Variants in PDPK1 observed in about 807,000 individuals in gnomAD.
PDPK1 encodes the protein 3-phosphoinositide dependent protein kinase 1, also known as 3-phosphoinositide-dependent protein kinase 1.
Under a neutral mutation model 39.8 loss-of-function variants are expected in PDPK1, and 7 were observed. The ratio of observed to expected loss-of-function variants is 0.18; its 90% confidence interval spans 0.10 to 0.33. The LOEUF is 0.33. PDPK1 is among the 10% of genes least tolerant of loss of function. The pLI is 1.00. For synonymous variants in PDPK1, 118 were observed against 159.1 expected (o/e 0.74, Z 1.95); for missense variants, 182 against 384.7 (o/e 0.47, Z 4.41).
At position 2,538,045 on chromosome 16, in the gene PDPK1, G is replaced by C. The variant is rs2066168882; in HGVS notation, c.-68G>C. The stretch of plus-strand genomic sequence containing the variant: ...CATTGCTGGGGCTCCGCTTCGGGGA[G>C]GAGGACGCTGAGGAGGCGCCGAGCC... On this transcript the variant is annotated 5_prime_UTR_variant, in exon 1 of 14. Coordinates refer to ENST00000342085, the MANE Select transcript of PDPK1 (RefSeq NM_002613.5). 1.3e-6 allele frequency: 1 copy of C among 758,656 alleles called. No homozygotes were observed. The highest frequency in any genetic ancestry group is 1.6e-6 in the Non-Finnish European group (1 of 611,356). The allele number at this position is 758,656 out of a possible 1,614,324, so 47.0% of individuals were successfully genotyped here. A position where few individuals can be genotyped will look rare whatever the true frequency, so the allele number is the denominator to read the frequency against.
At chr16:2,584,796 G>C (rs2066829412) in intron 10 of PDPK1, among the ~76,000 whole-genome samples, 1 of 152,136 alleles carries the variant, frequency 6.6e-6, no homozygotes. Context: ...AAACTCTAAG[G>C]GAGCCAGGCT....
chr16:2,545,888 G>A (rs931098147), intron 1 of PDPK1, among the ~76,000 whole-genome samples: 6 of 152,064 alleles, frequency 3.9e-5, no homozygotes, highest in Admixed American at 3.3e-4. Context: ...CCTACCACCT[G>A]CTCCTCCCAA....
chr16:2,538,054 T>C lies in PDPK1; in HGVS notation c.-59T>C. 5.9e-6 allele frequency: 5 copies of C among 849,952 alleles called. No individual in the cohort carries two copies. Among genetic ancestry groups the C allele is most frequent in the Non-Finnish European group, 7.2e-6 (5 of 699,108 alleles). 52.7% of individuals were successfully genotyped at this position (849,952 alleles called of 1,614,324 possible). A position where few individuals can be genotyped will look rare whatever the true frequency, so the allele number is the denominator to read the frequency against. On this transcript the variant is annotated 5_prime_UTR_variant, in exon 1 of 14. Coordinates refer to ENST00000342085, the MANE Select transcript of PDPK1 (RefSeq NM_002613.5). ...GGCTCCGCTTCGGGGAGGAGGACGCTGAGGAGGCGCCGAGCCGCGCAGCGC... is the reference window on the plus strand; with the variant it reads ...GGCTCCGCTTCGGGGAGGAGGACGCCGAGGAGGCGCCGAGCCGCGCAGCGC...
At position 2,593,511 on chromosome 16, in the gene PDPK1, CT is replaced by C. The variant is rs1481623495; in HGVS notation, c.1344-2281del. ...CTCCCACACAGGTTGCAGGGATGGG[CT>C]GCTGTGTTCTTCTGGTTTTTCTCTC... On this transcript the variant is annotated intron_variant, in intron 11 of 13. Transcript: ENST00000342085. The surrounding 1 kb of genome is among the most constrained non-coding windows in gnomAD (Gnocchi z 4.2). 3.1e-5 allele frequency: 6 copies of C among 190,692 alleles called. No homozygotes were observed. The highest frequency in any genetic ancestry group is 1.4e-4 in the African/African-American group (6 of 41,676). The allele number at this position is 190,692 out of a possible 1,614,324, so 11.8% of individuals were successfully genotyped here. A position where few individuals can be genotyped will look rare whatever the true frequency, so the allele number is the denominator to read the frequency against.
At chr16:2,544,625 C>T (rs780753513) in intron 1 of PDPK1, among the ~76,000 whole-genome samples, 6 of 152,136 alleles carry the variant, frequency 3.9e-5, no homozygotes, top group Non-Finnish European at 5.9e-5. Flanking sequence ...GCTCTGTCGC[C>T]CAAGTTGGAG....
chr16:2,601,227 G>A lies in PDPK1; in HGVS notation c.*3460G>A, dbSNP rs1203810419. ...GTGTAGACGCTCACTTCCAGTAGCA[G>A]AACCACCTTAGTTGTGTCTTACAGA... On this transcript the variant is annotated 3_prime_UTR_variant, in exon 14 of 14. Coordinates refer to ENST00000342085, the MANE Select transcript of PDPK1 (RefSeq NM_002613.5). 4.3e-6 allele frequency: 1 copy of A among 234,002 alleles called. No individual in the cohort carries two copies. The highest frequency in any genetic ancestry group is 8.5e-6 in the Non-Finnish European group (1 of 117,908). The allele number at this position is 234,002 out of a possible 1,614,324, so 14.5% of individuals were successfully genotyped here.
At chr16:2,540,201 C>T (rs2066218787) in intron 1 of PDPK1, among the ~76,000 whole-genome samples, 1 of 152,180 alleles carries the variant, frequency 6.6e-6, no homozygotes, top group South Asian at 2.1e-4. Flanking sequence ...GTGTGAGAAG[C>T]CCCCTTCCCA....
intron 2 of PDPK1, among the ~76,000 whole-genome samples, chr16:2,558,400 CTG>C: frequency 6.7e-6 from 1 of 150,120 alleles, no homozygotes; most frequent in Non-Finnish European, 1.5e-5. Context: ...TCTTATTTCT[CTG>C]TTTTGTTTTT....
At chr16:2,542,475 A>C (rs1026223887) in intron 1 of PDPK1, among the ~76,000 whole-genome samples, 11 of 152,296 alleles carry the variant, frequency 7.2e-5, no homozygotes, top group African/African-American at 2.6e-4. Flanking sequence ...CTGTTTAAAG[A>C]GTTGGATTAT....
At chr16:2,585,464 G>A (rs996184431) in intron 10 of PDPK1, among the ~76,000 whole-genome samples, 1 of 152,218 alleles carries the variant, frequency 6.6e-6, no homozygotes, top group Non-Finnish European at 1.5e-5. Flanking sequence ...CCTTCATGGG[G>A]AATGGGCACT....
At position 2,600,019 on chromosome 16, in the gene PDPK1, G is replaced by A. The variant is rs2142016583; in HGVS notation, c.*2252G>A. The A allele has an allele frequency of 4.3e-6, 1 of 233,230 alleles. No individual in the cohort carries two copies. The highest frequency in any genetic ancestry group is 1.3e-3 in the Middle Eastern group (1 of 786). The allele number at this position is 233,230 out of a possible 1,614,324, so 14.4% of individuals were successfully genotyped here. The stretch of plus-strand genomic sequence containing the variant: ...TGCCATTGCCTGAGCTGACAGCCAA[G>A]CCCTTCTGTGGGTCACCTTTCTCCT... On this transcript the variant is annotated 3_prime_UTR_variant, in exon 14 of 14. Transcript: ENST00000342085.
In PDPK1 at chr16:2,595,644, T is replaced by C. The variant is rs150757273; in HGVS notation, c.1344-149T>C. On this transcript the variant is annotated intron_variant, in intron 11 of 13. Coordinates refer to ENST00000342085, the MANE Select transcript of PDPK1 (RefSeq NM_002613.5). ...GCAGTGCTGTATGTGCTGGGTTACA[T>C]GTGGCGAACGTTCTCTGCTCATCCC... The C allele has an allele frequency of 1.0e-3, 682 of 675,450 alleles. 1 individual carries two copies. In the African/African-American group the frequency reaches 0.011, roughly 11 times the overall value. 41.8% of individuals were successfully genotyped at this position (675,450 alleles called of 1,614,324 possible).
intron 1 of PDPK1, among the ~76,000 whole-genome samples, chr16:2,542,019 C>T (rs1427363213): frequency 1.3e-5 from 2 of 151,966 alleles, no homozygotes; most frequent in Admixed American, 6.6e-5. Context: ...AGTCCGTTTC[C>T]ATTCTCTTAG....
chr16:2,586,383 C>T (rs1042965856), intron 10 of PDPK1, among the ~76,000 whole-genome samples: 5 of 152,228 alleles, frequency 3.3e-5, no homozygotes, highest in Non-Finnish European at 5.9e-5. Context: ...ATTCACGGGG[C>T]CCGCAGGGTA....
chr16:2,599,392 T>A lies in PDPK1; in HGVS notation c.*1625T>A, dbSNP rs1455434233. 8.6e-6 allele frequency: 2 copies of A among 233,152 alleles called. No individual in the cohort carries two copies. Among genetic ancestry groups the A allele is most frequent in the Non-Finnish European group, 1.7e-5 (2 of 118,100 alleles). 14.4% of individuals were successfully genotyped at this position (233,152 alleles called of 1,614,324 possible). ...GTTTTTACACTGCTAATGACGAGAGTGGCTCTTTTTAGCTAGGCGAGTACA... is the reference window on the plus strand; with the variant it reads ...GTTTTTACACTGCTAATGACGAGAGAGGCTCTTTTTAGCTAGGCGAGTACA... On this transcript the variant is annotated 3_prime_UTR_variant, in exon 14 of 14. Transcript: ENST00000342085.
chr16:2,569,896 A>AG (rs2066665558), intron 6 of PDPK1, among the ~76,000 whole-genome samples: 1 of 23,424 alleles, frequency 4.3e-5, no homozygotes, highest in African/African-American at 1.5e-4. Context: ...TGGGGTGGGT[A>AG]GGGTGGCCCC....
At chr16:2,596,286 G>T (rs1173045251) in intron 12 of PDPK1, among the ~76,000 whole-genome samples, 2 of 152,190 alleles carry the variant, frequency 1.3e-5, no homozygotes, top group African/African-American at 4.8e-5. Flanking sequence ...CCGCCTCCCA[G>T]GTTCACACCA....
chr16:2,540,820 G>A (rs2066231353), intron 1 of PDPK1, among the ~76,000 whole-genome samples: 1 of 151,356 alleles, frequency 6.6e-6, no homozygotes, highest in Non-Finnish European at 1.5e-5. Context: ...AAAGAAACAT[G>A]TAATGATTTT....
intron 10 of PDPK1, among the ~76,000 whole-genome samples, chr16:2,586,387 C>T (rs759084557): frequency 6.6e-6 from 1 of 152,362 alleles, no homozygotes; most frequent in Non-Finnish European, 1.5e-5. Flanking sequence ...ACGGGGCCCG[C>T]AGGGTAAGGG....
Sources: allele counts gnomAD v4.1 joint callset (sites outside exome capture counted in the v4.1 genomes callset), GRCh38; gene constraint gnomAD v4.1.1; non-coding constraint Gnocchi (gnomAD v3.1); transcripts MANE v1.5; gene names NCBI Gene and HGNC (gene_info 2026-07-23, HGNC 2026-07-21).